The following GSE1 variants were observed in gnomAD, a reference collection of about 807,000 sequenced individuals.
GSE1 encodes the protein genetic suppressor element 1.
GSE1 carries 32 observed loss-of-function variants against 112.6 expected under a neutral mutation model. The ratio of observed to expected loss-of-function variants is 0.28; its 90% CI spans 0.21 to 0.38. GSE1 has a LOEUF of 0.38. Ranked by LOEUF, GSE1 falls within the 10% of genes least tolerant of loss-of-function variation. The probability of loss-of-function intolerance (pLI) is 1.00; values close to 1 mark genes in which losing one functional copy is unlikely to be tolerated. For synonymous variants in GSE1, 1,115 were observed against 735.6 expected (o/e 1.52, Z -8.35); for missense variants, 2,348 against 1,699.2 (o/e 1.38, Z -6.71).
intron 2 of GSE1, among the ~76,000 whole-genome samples, chr16:85,395,714 C>G (rs1042297672): frequency 1.3e-5 from 2 of 152,228 alleles, no homozygotes; most frequent in Non-Finnish European, 2.9e-5. Context: ...TCCGCCCTCC[C>G]CTGCCCACGC....
intron 2 of GSE1, among the ~76,000 whole-genome samples, chr16:85,392,406 G>T (rs2047860965): frequency 6.6e-6 from 1 of 152,176 alleles, no homozygotes; most frequent in South Asian, 2.1e-4. Flanking sequence ...AACATCCATT[G>T]CTTCGGGCTG....
intron 1 of GSE1, among the ~76,000 whole-genome samples, chr16:85,287,897 A>G (rs965597083): frequency 9.2e-5 from 14 of 152,316 alleles, no homozygotes; most frequent in African/African-American, 3.1e-4. Flanking sequence ...GCCTGCGCAC[A>G]GTAGGCACGG....
chr16:85,613,440 TCCCCCCA>T, intron 1 of GSE1, 42 bp downstream of exon 1: 2 of 1,506,416 alleles, frequency 1.3e-6, no homozygotes, highest in Admixed American at 4.0e-5. Context: ...TCCTCCCCCC[TCCCCCCA>T]CCGCACTGTC....
At chr16:85,635,310 C>T (rs1056035988) in intron 2 of GSE1, among the ~76,000 whole-genome samples, 3 of 152,174 alleles carry the variant, frequency 2.0e-5, no homozygotes, top group Admixed American at 6.5e-5. Flanking sequence ...GGCAGCCCCT[C>T]GCCTCCTGGC....
chr16:85,640,702 C>G (rs1447296726), intron 2 of GSE1, among the ~76,000 whole-genome samples: 1 of 152,268 alleles, frequency 6.6e-6, no homozygotes, highest in African/African-American at 2.4e-5. Context: ...CTCCCCCTTT[C>G]TGCCGCTGCC....
intron 2 of GSE1, chr16:85,359,381 G>A (rs564972726): frequency 9.7e-5 from 44 of 455,928 alleles, no homozygotes; most frequent in Admixed American, 3.5e-4. Context: ...AGAGTCCTCC[G>A]GAGCAGAACA....
chr16:85,335,844 G>A (rs2046470690), intron 1 of GSE1, among the ~76,000 whole-genome samples: 1 of 142,686 alleles, frequency 7.0e-6, no homozygotes. Context: ...CTGGGAGCAG[G>A]GCGGGACACC....
chr16:85,531,656 G>A lies in GSE1; in HGVS notation c.2465-102258G>A, dbSNP rs567856093. ...CCCCACACTGCTGTATGGCCTCGCCGGGATGTCTTTTGTGTGAAGTTGTGT... is the reference window on the plus strand; with the variant it reads ...CCCCACACTGCTGTATGGCCTCGCCAGGATGTCTTTTGTGTGAAGTTGTGT... On this transcript the variant is annotated intron_variant, in intron 2 of 2. Coordinates refer to the GSE1 transcript ENST00000637419. Among the ~76,000 whole-genome samples the A allele has an allele frequency of 6.6e-5, 10 of 152,306 alleles. No individual in the cohort carries two copies. The South Asian group carries it at 1.0e-3, about 16-fold the overall frequency.
At chr16:85,534,123 T>C (rs9927472) in intron 2 of GSE1, among the ~76,000 whole-genome samples, 116,728 of 145,218 alleles carry the variant, frequency 0.8, 45,889 homozygotes, top group East Asian at 0.92. Context: ...TTAAATTTCT[T>C]CTTCCTTTTT....
At chr16:85,182,614 C>T (rs1036083882) in intron 1 of GSE1, among the ~76,000 whole-genome samples, 2 of 152,192 alleles carry the variant, frequency 1.3e-5, no homozygotes, top group Non-Finnish European at 2.9e-5. Flanking sequence ...TTCCCATTAA[C>T]GGGAGAAACC....
At chr16:85,460,234 C>T (rs2049935157) in intron 2 of GSE1, among the ~76,000 whole-genome samples, 1 of 152,196 alleles carries the variant, frequency 6.6e-6, no homozygotes, top group African/African-American at 2.4e-5. Flanking sequence ...CTGATCCTTC[C>T]AGCAGCCTTC....
At chr16:85,551,983 C>G (rs1297873681), upstream of GSE1, among the ~76,000 whole-genome samples, 1 of 152,184 alleles carries the variant, frequency 6.6e-6, no homozygotes, top group African/African-American at 2.4e-5. Flanking sequence ...CTGGGGAGCT[C>G]TCCAAGCCCC....
intron 1 of GSE1, among the ~76,000 whole-genome samples, chr16:85,630,744 G>C (rs908687121): frequency 6.6e-6 from 1 of 152,220 alleles, no homozygotes; most frequent in African/African-American, 2.4e-5. Context: ...GTAATGAGCA[G>C]TGGGGGCCCA....
chr16:85,210,206 C>T (rs1321358833), intron 1 of GSE1, among the ~76,000 whole-genome samples: 1 of 152,126 alleles, frequency 6.6e-6, no homozygotes, highest in Non-Finnish European at 1.5e-5. Flanking sequence ...CCCAGGAGTC[C>T]CACTTCTGGA....
chr16:85,656,180 T>C (rs1269688266), intron 6 of GSE1, among the ~76,000 whole-genome samples, 163 bp from the exon 7 acceptor site: 1 of 152,178 alleles, frequency 6.6e-6, no homozygotes, highest in African/African-American at 2.4e-5. Flanking sequence ...TTTGATTGTA[T>C]GGACCTTAAG....
intron 2 of GSE1, among the ~76,000 whole-genome samples, chr16:85,483,562 G>A (rs192171271): frequency 6.6e-6 from 1 of 152,280 alleles, no homozygotes; most frequent in Admixed American, 6.5e-5. Flanking sequence ...TCTTCCACCA[G>A]GCGATGCCCA....
intron 2 of GSE1, among the ~76,000 whole-genome samples, chr16:85,388,327 G>A (rs111218329): frequency 5.3e-5 from 2 of 37,878 alleles, no homozygotes; most frequent in Non-Finnish European, 1.6e-4. Flanking sequence ...TGGATGGATG[G>A]ATGAATGGAT....
intron 1 of GSE1, among the ~76,000 whole-genome samples, chr16:85,275,518 G>A (rs767636213): frequency 1.3e-5 from 2 of 152,202 alleles, no homozygotes; most frequent in African/African-American, 4.8e-5. Context: ...ACAAGCCACC[G>A]AGTTCAAATG....
chr16:85,232,456 G>A (rs1904296733), intron 1 of GSE1, among the ~76,000 whole-genome samples: 1 of 152,184 alleles, frequency 6.6e-6, no homozygotes, highest in Non-Finnish European at 1.5e-5. Flanking sequence ...GTGTGGACAG[G>A]CTGTGAGTGT....
Sources: allele counts gnomAD v4.1 joint callset (sites outside exome capture counted in the v4.1 genomes callset), GRCh38; gene constraint gnomAD v4.1.1; transcripts MANE v1.5; gene names NCBI Gene and HGNC (gene_info 2026-07-23, HGNC 2026-07-21).